The following PDE1B variants were observed in gnomAD, a reference collection of about 807,000 sequenced individuals.
PDE1B encodes dual specificity calcium/calmodulin-dependent 3',5'-cyclic nucleotide phosphodiesterase 1B.
PDE1B carries 13 observed loss-of-function variants against 66.7 expected under a neutral mutation model. The observed-to-expected ratio is 0.19, with a 90% CI of 0.13 to 0.31. PDE1B has a LOEUF of 0.31. Ranked by LOEUF, PDE1B falls within the 10% of genes least tolerant of loss-of-function variation. The pLI is 1.00. For synonymous variants in PDE1B, 230 were observed against 253.9 expected, an observed-to-expected ratio of 0.91 and a Z score of 0.90; for missense variants, 485 against 682.3, an observed-to-expected ratio of 0.71 and a Z score of 3.22.
At chr12:54,576,155 G>A (rs908347720) in intron 13 of PDE1B, 55 bp downstream of exon 13, 3 of 1,104,078 alleles carry the variant, frequency 2.7e-6, no homozygotes, top group African/African-American at 3.1e-5. Context: ...GTGGTAGGGA[G>A]GGATTTGGAC....
intron 2 of PDE1B, among the ~76,000 whole-genome samples, chr12:54,562,429 T>C (rs1957434129): frequency 6.6e-6 from 1 of 151,982 alleles, no homozygotes; most frequent in Admixed American, 6.6e-5. Flanking sequence ...CGGGCAGGGA[T>C]GGAGTTCGAA....
At chr12:54,567,248 T>C (rs1013769068) in intron 3 of PDE1B, among the ~76,000 whole-genome samples, 161 bp downstream of exon 3, 2 of 152,036 alleles carry the variant, frequency 1.3e-5, no homozygotes, top group African/African-American at 4.8e-5. Flanking sequence ...CTCACACCTG[T>C]AATCCTAGCA....
chr12:54,556,322 C>T (rs116741113), intron 2 of PDE1B, among the ~76,000 whole-genome samples: 125 of 152,232 alleles, frequency 8.2e-4, no homozygotes, highest in African/African-American at 2.3e-3. Context: ...GACCATTCCT[C>T]CGTTCCTTTG....
At chr12:54,560,857 T>C (rs965817525) in intron 2 of PDE1B, among the ~76,000 whole-genome samples, 1 of 152,202 alleles carries the variant, frequency 6.6e-6, no homozygotes, top group South Asian at 2.1e-4. Context: ...GGTGTTAATT[T>C]GCCCAATCCC....
intron 6 of PDE1B, chr12:54,571,343 A>G (rs1176994620): frequency 6.6e-6 from 1 of 152,146 alleles, no homozygotes; most frequent in African/African-American, 2.4e-5. Flanking sequence ...CTGTTCTGCA[A>G]TTTTACTTTC....
chr12:54,565,523 G>T (rs1031016415), intron 2 of PDE1B, among the ~76,000 whole-genome samples: 1 of 152,184 alleles, frequency 6.6e-6, no homozygotes, highest in Admixed American at 6.5e-5. Flanking sequence ...GCTGGAGCTG[G>T]GGCTGAGCTT....
At chr12:54,572,887 C>T in intron 7 of PDE1B, 146 bp downstream of exon 7, 2 of 819,852 alleles carry the variant, frequency 2.4e-6, no homozygotes. Context: ...TGGATTAACT[C>T]ACTCTAGAGA....
intron 2 of PDE1B, among the ~76,000 whole-genome samples, chr12:54,552,476 C>T (rs1005317353): frequency 6.6e-6 from 1 of 152,180 alleles, no homozygotes; most frequent in Non-Finnish European, 1.5e-5. Context: ...CTATTCCCCC[C>T]CTTCTACCCT....
chr12:54,571,395 G>A (rs956819932), intron 6 of PDE1B: 9 of 152,142 alleles, frequency 5.9e-5, no homozygotes, highest in African/African-American at 2.2e-4. Flanking sequence ...GAATAGTAGG[G>A]CTCTCTTTTT....
chr12:54,572,597 G>A lies in PDE1B; in HGVS notation c.595-4G>A, dbSNP rs765712144. ...ATATCTCCATTTCCCCTAACTCCCC[G>A]CAGATTCCCACTGTGTTTTTGATGA... On this transcript the variant is annotated splice_polypyrimidine_tract_variant and splice_region_variant and intron_variant, in intron 6 of 15. Coordinates refer to ENST00000243052, the MANE Select transcript of PDE1B (RefSeq NM_000924.4). The A allele has an allele frequency of 1.2e-5, 19 of 1,612,644 alleles. No homozygotes were observed. The highest frequency in any genetic ancestry group is 1.6e-5 in the Non-Finnish European group (19 of 1,178,810).
At chr12:54,565,495 T>C (rs1317390406) in intron 2 of PDE1B, among the ~76,000 whole-genome samples, 7 of 152,222 alleles carry the variant, frequency 4.6e-5, no homozygotes, top group Admixed American at 3.9e-4. Flanking sequence ...CTCGCCTCTA[T>C]TCCTCCTCCC....
At chr12:54,561,333 G>C (rs1957406972) in intron 2 of PDE1B, 1 of 454,366 alleles carries the variant, frequency 2.2e-6, no homozygotes, top group Middle Eastern at 6.5e-4. Context: ...CTTGTTTTCC[G>C]TCTGATTCAG....
rs1472903745 is a variant in PDE1B at position 54,576,614 on chromosome 12, C to T, written c.1420C>T (p.Pro474Ser). The T allele has an allele frequency of 1.2e-6, 2 of 1,613,922 alleles. No homozygotes were observed. Among genetic ancestry groups the T allele is most frequent in the South Asian group, 1.1e-5 (1 of 91,064 alleles). ...QPSLDVEVGD[P>S]NPDVVSFRST... ...CTCTCTGGATGTGGAAGTGGGAGACCCCAACCCTGATGTGGTCAGCTTTCG... is the reference window on the plus strand; with the variant it reads ...CTCTCTGGATGTGGAAGTGGGAGACTCCAACCCTGATGTGGTCAGCTTTCG... Residue 474 changes from proline to serine, a missense_variant, in exon 14 of 16, where the codon CCC (proline) becomes TCC (serine). Pro to Ser is a moderately conservative substitution (Grantham distance 74). Around this residue, in one of 4 missense-constraint regions of PDE1B, gnomAD observed 126 missense variants for 133.8 expected, o/e 0.94. Coordinates refer to ENST00000243052, the MANE Select transcript of PDE1B (RefSeq NM_000924.4).
chr12:54,558,801 C>A (rs1957371434), intron 2 of PDE1B, among the ~76,000 whole-genome samples: 1 of 152,160 alleles, frequency 6.6e-6, no homozygotes, highest in South Asian at 2.1e-4. Flanking sequence ...GCATATGGGA[C>A]TTTGTTTATG....
chr12:54,577,046 A>T, intron 14 of PDE1B, 179 bp from the exon 15 acceptor site: 1 of 638,002 alleles, frequency 1.6e-6, no homozygotes, highest in Non-Finnish European at 2.7e-6. Flanking sequence ...GGTGGTGTTG[A>T]GGGTTCTGAG....
chr12:54,561,854 C>T (rs1042128697), intron 2 of PDE1B, among the ~76,000 whole-genome samples: 1 of 152,036 alleles, frequency 6.6e-6, no homozygotes, highest in African/African-American at 2.4e-5. Flanking sequence ...TCCATCCCCC[C>T]CCACCTTTGT....
intron 2 of PDE1B, among the ~76,000 whole-genome samples, chr12:54,550,566 C>A (rs117407637): frequency 0.015 from 2,301 of 152,106 alleles, 29 homozygotes; most frequent in Non-Finnish European, 0.025. Context: ...GGCCTGGAAA[C>A]TCACTCTATG....
chr12:54,549,835 G>A, intron 1 of PDE1B, 25 bp from the exon 2 acceptor site: 2 of 1,508,836 alleles, frequency 1.3e-6, no homozygotes, highest in African/African-American at 1.4e-5. Context: ...GAGCCGAGGT[G>A]CTGTCTCCTC....
intron 2 of PDE1B, among the ~76,000 whole-genome samples, chr12:54,551,959 C>A (rs996584901): frequency 4.6e-5 from 7 of 152,154 alleles, no homozygotes; most frequent in Admixed American, 3.9e-4. Flanking sequence ...TAGCTTTGTA[C>A]AATAAATTTA....
Sources: gnomAD v4.1 joint callset for allele counts (sites outside exome capture counted in the v4.1 genomes callset) on GRCh38, gnomAD v4.1.1 for gene constraint, gnomAD v4.1.1 regional missense constraint, MANE v1.5 for transcripts, NCBI Gene and HGNC (gene_info 2026-07-23, HGNC 2026-07-21) for gene names.